The following DOCK1 variants were observed in gnomAD, a reference collection of about 807,000 sequenced individuals.
DOCK1 encodes dedicator of cytokinesis protein 1.
DOCK1 carries 138 observed loss-of-function variants against 262.7 expected under a neutral mutation model. The ratio of observed to expected loss-of-function variants is 0.53; its 90% CI spans 0.46 to 0.61. The LOEUF is 0.61. Ranked by LOEUF, DOCK1 falls within the 20% of genes least tolerant of loss-of-function variation. The pLI is 0.00. For synonymous variants in DOCK1, 866 were observed against 867.4 expected (o/e 1.00, Z 0.03); for missense variants, 1,908 against 2,370.7 (o/e 0.80, Z 4.05).
intron 25 of DOCK1, among the ~76,000 whole-genome samples, chr10:127,119,691 A>T (rs964394049): frequency 2.6e-5 from 4 of 152,256 alleles, no homozygotes; most frequent in African/African-American, 9.6e-5. Context: ...GTTCTATGTA[A>T]CACAGAGTTA....
At chr10:127,372,424 T>C (rs1000252350) in intron 33 of DOCK1, among the ~76,000 whole-genome samples, 1 of 152,150 alleles carries the variant, frequency 6.6e-6, no homozygotes, top group Admixed American at 6.5e-5. Context: ...AGAATGCAGG[T>C]TGTGATTTAT....
rs71032552 is a variant in DOCK1, at chr10:127,339,733, G to GTGTGTGTGCGCA, written c.3123+651_3123+652insTGTGTGCGCATG. Among the ~76,000 whole-genome samples, 219 of 109,336 alleles carry GTGTGTGTGCGCA rather than the reference G, an allele frequency of 2.0e-3. 3 individuals carry two copies. Among genetic ancestry groups the GTGTGTGTGCGCA allele is most frequent in the Non-Finnish European group, 3.2e-3 (175 of 54,034 alleles). The allele number at this position is 109,336 out of a possible 152,430, so 71.7% of individuals were successfully genotyped here. A position where few individuals can be genotyped will look rare whatever the true frequency, so the allele number is the denominator to read the frequency against. On this transcript the variant is annotated intron_variant, in intron 30 of 51. Coordinates refer to ENST00000623213, the MANE Select transcript of DOCK1 (RefSeq NM_001290223.2). ...TGTGTGTGTGTGTGTGTGTGTGTGT[G>GTGTGTGTGCGCA]TGCATGCTGTAAGGATTGATTTTGC...
chr10:127,372,227 G>A (rs940647201), intron 33 of DOCK1, among the ~76,000 whole-genome samples: 7 of 152,112 alleles, frequency 4.6e-5, no homozygotes, highest in African/African-American at 7.2e-5. Flanking sequence ...TGTACTGATC[G>A]AGGACAGGCA....
At chr10:126,946,590 C>T (rs939535036) in intron 1 of DOCK1, among the ~76,000 whole-genome samples, 21 of 152,144 alleles carry the variant, frequency 1.4e-4, no homozygotes, top group Admixed American at 3.9e-4. Flanking sequence ...CCTCAGCCTC[C>T]GTTAACTTCT....
At chr10:126,981,412 T>A (rs1461419770) in intron 3 of DOCK1, among the ~76,000 whole-genome samples, 3 of 152,192 alleles carry the variant, frequency 2.0e-5, no homozygotes, top group African/African-American at 7.2e-5. Context: ...CCAGGTGTTG[T>A]GCAGATTGGG....
intron 1 of DOCK1, among the ~76,000 whole-genome samples, chr10:126,929,384 T>C (rs1345117292): frequency 6.6e-6 from 1 of 152,120 alleles, no homozygotes; most frequent in Non-Finnish European, 1.5e-5. Flanking sequence ...TTATTGGACT[T>C]TGCTCCCTAA....
intron 29 of DOCK1, among the ~76,000 whole-genome samples, chr10:127,261,142 C>CATGTGGGTGT (rs1421743011): frequency 7.4e-5 from 4 of 54,248 alleles, no homozygotes; most frequent in African/African-American, 7.7e-5. Flanking sequence ...CATGTGTGTG[C>CATGTGGGTGT]GTGTGTACCC....
At position 127,356,157 on chromosome 10, in the gene DOCK1, C is replaced by T. The variant is rs555162946; in HGVS notation, c.3283+1430C>T. ...GTACTGGGTCTCAGCTGTCAAAGGG[C>T]CTGCTGATCTCTGCAACATGATACC... On this transcript the variant is annotated intron_variant, in intron 32 of 51. Transcript: ENST00000623213. Among the ~76,000 whole-genome samples, 3 of 152,184 alleles carry T rather than the reference C, an allele frequency of 2.0e-5. No homozygotes were observed. The South Asian group carries it at 6.2e-4, about 32-fold the overall frequency.
chr10:127,363,025 A>G, intron 33 of DOCK1, among the ~76,000 whole-genome samples: 2 of 27,336 alleles, frequency 7.3e-5, no homozygotes, highest in Admixed American at 3.4e-4. Flanking sequence ...ACACACACAC[A>G]CACATGCACC....
intron 21 of DOCK1, among the ~76,000 whole-genome samples, chr10:127,050,718 A>G (rs955775285): frequency 6.6e-6 from 1 of 152,070 alleles, no homozygotes; most frequent in African/African-American, 2.4e-5. Context: ...AAAAAAAAAA[A>G]AAGTTTTATG....
chr10:127,016,731 C>CAT (rs2041921016), intron 12 of DOCK1: 1 of 123,832 alleles, frequency 8.1e-6, no homozygotes, highest in East Asian at 2.4e-4. Context: ...CACACACACA[C>CAT]ACCACACACA....
chr10:127,410,578 G>A (rs186690408), intron 42 of DOCK1, among the ~76,000 whole-genome samples: 1 of 152,290 alleles, frequency 6.6e-6, no homozygotes, highest in East Asian at 1.9e-4. Context: ...CCTTTCCTCT[G>A]TTTTTGCTCA....
intron 27 of DOCK1, among the ~76,000 whole-genome samples, chr10:127,139,572 T>G (rs144047404): frequency 1.1e-3 from 166 of 152,290 alleles, no homozygotes; most frequent in Non-Finnish European, 2.0e-3. Context: ...GGAGGCATAG[T>G]CTCTTCTAAG....
intron 27 of DOCK1, among the ~76,000 whole-genome samples, chr10:127,131,214 T>A (rs867820327): frequency 6.6e-6 from 1 of 152,112 alleles, no homozygotes; most frequent in Non-Finnish European, 1.5e-5. Flanking sequence ...CATAGGGGTC[T>A]AAGCACTGTC....
chr10:127,043,368 A>C (rs1407418746), intron 21 of DOCK1, among the ~76,000 whole-genome samples: 1 of 152,194 alleles, frequency 6.6e-6, no homozygotes, highest in Non-Finnish European at 1.5e-5. Context: ...TCATCGTAAT[A>C]TTCTGGAATA....
chr10:126,941,064 G>C (rs1435828828), intron 1 of DOCK1, among the ~76,000 whole-genome samples: 1 of 152,158 alleles, frequency 6.6e-6, no homozygotes, highest in Non-Finnish European at 1.5e-5. Flanking sequence ...TCAGGGACCT[G>C]CTGGTCCAGA....
At chr10:127,320,873 C>G (rs1367397252) in intron 29 of DOCK1, among the ~76,000 whole-genome samples, 1 of 152,122 alleles carries the variant, frequency 6.6e-6, no homozygotes, top group African/African-American at 2.4e-5. Context: ...CCTCCAGATT[C>G]TTCTACTGCA....
chr10:126,929,016 C>G (rs951947964), intron 1 of DOCK1, among the ~76,000 whole-genome samples: 12 of 152,282 alleles, frequency 7.9e-5, no homozygotes, highest in African/African-American at 2.9e-4. Flanking sequence ...TGACGAGGGC[C>G]TCTCTGTCTA....
In DOCK1 at chr10:127,173,938, C is replaced by T. The variant is rs992425003; in HGVS notation, c.2847+46174C>T. Among the ~76,000 whole-genome samples, 7 of 152,296 alleles carry T rather than the reference C, an allele frequency of 4.6e-5. 2 individuals carry two copies. The highest frequency in any genetic ancestry group is 4.6e-4 in the Admixed American group (7 of 15,304). On this transcript the variant is annotated intron_variant, in intron 27 of 51. Coordinates refer to ENST00000623213, the MANE Select transcript of DOCK1 (RefSeq NM_001290223.2). ...TTAAGAGCATCAAGCTGTAGACAGG[C>T]CTCCTGCACCAAGCTGGAGCAGCCA...
Sources: gnomAD v4.1 joint callset for allele counts (sites outside exome capture counted in the v4.1 genomes callset) on GRCh38, gnomAD v4.1.1 for gene constraint, MANE v1.5 for transcripts, NCBI Gene and HGNC (gene_info 2026-07-23, HGNC 2026-07-21) for gene names.